Variants in SLC30A6 observed in about 807,000 individuals in gnomAD.
SLC30A6 encodes zinc transporter 6.
SLC30A6 carries 55 observed loss-of-function variants against 63.0 expected under a neutral mutation model. The ratio of observed to expected loss-of-function variants is 0.87; its 90% CI spans 0.70 to 1.09. The LOEUF (loss-of-function observed/expected upper bound fraction) is 1.09. Ranked by LOEUF, SLC30A6 falls within the 50% of genes least tolerant of loss-of-function variation. The probability of loss-of-function intolerance (pLI) is 0.00; values close to 1 mark genes in which losing one functional copy is unlikely to be tolerated. For synonymous variants in SLC30A6, 224 were observed against 186.1 expected, an observed-to-expected ratio of 1.20 and a Z score of -1.66; for missense variants, 587 against 549.2, an observed-to-expected ratio of 1.07 and a Z score of -0.69.
chr2:32,171,244 G>A (rs375008557), intron 1 of SLC30A6, 43 bp from the exon 2 acceptor site: 2 of 1,527,776 alleles, frequency 1.3e-6, no homozygotes, highest in East Asian at 2.3e-5. Flanking sequence ...CTCTGAAGAT[G>A]ATTAAATATC....
intron 12 of SLC30A6, among the ~76,000 whole-genome samples, chr2:32,207,175 A>G (rs915697067): frequency 1.3e-5 from 2 of 152,090 alleles, no homozygotes; most frequent in Non-Finnish European, 2.9e-5. Context: ...TGACCACCCT[A>G]TTATAAATGC....
At chr2:32,214,934 G>C (rs1204511031) in intron 13 of SLC30A6, among the ~76,000 whole-genome samples, 1 of 152,174 alleles carries the variant, frequency 6.6e-6, no homozygotes, top group African/African-American at 2.4e-5. Flanking sequence ...ATTTCAAGAC[G>C]TGGCTTGTCT....
chr2:32,202,490 C>A, intron 10 of SLC30A6: 1 of 273,758 alleles, frequency 3.7e-6, no homozygotes, highest in South Asian at 4.1e-5. Flanking sequence ...CCACCACCCC[C>A]GACTATTTTT....
At chr2:32,184,503 G>A (rs188808115) in intron 5 of SLC30A6, among the ~76,000 whole-genome samples, 165 bp downstream of exon 5, 90 of 152,296 alleles carry the variant, frequency 5.9e-4, no homozygotes, top group African/African-American at 2.0e-3. Flanking sequence ...AGTGGCTCAC[G>A]CCTGTAATCC....
chr2:32,187,422 C>T, intron 5 of SLC30A6: 1 of 359,042 alleles, frequency 2.8e-6, no homozygotes, highest in South Asian at 2.2e-5. Context: ...CTTTATAGAT[C>T]AGTTACTGTG....
intron 10 of SLC30A6, among the ~76,000 whole-genome samples, chr2:32,199,348 G>T (rs1684065916): frequency 6.6e-6 from 1 of 152,132 alleles, no homozygotes; most frequent in Non-Finnish European, 1.5e-5. Flanking sequence ...GTTCGTGTGG[G>T]TATATACCCA....
chr2:32,165,978 G>A (rs1344133911), intron 1 of SLC30A6, 75 bp downstream of exon 1: 4 of 1,604,740 alleles, frequency 2.5e-6, no homozygotes, highest in Non-Finnish European at 1.7e-6. Flanking sequence ...AAGCGACCTT[G>A]AAATCCCTCA....
intron 4 of SLC30A6, 132 bp downstream of exon 4, chr2:32,175,493 T>C: frequency 1.3e-6 from 1 of 758,576 alleles, no homozygotes; most frequent in Non-Finnish European, 2.1e-6. Context: ...AACATTATGC[T>C]TTGAAGACAG....
chr2:32,190,640 G>C (rs1478202354), intron 5 of SLC30A6, among the ~76,000 whole-genome samples: 1 of 151,842 alleles, frequency 6.6e-6, no homozygotes, highest in Non-Finnish European at 1.5e-5. Flanking sequence ...AGATTTTTTT[G>C]GTATGGTGTG....
chr2:32,177,509 C>A, intron 4 of SLC30A6: 1 of 239,076 alleles, frequency 4.2e-6, no homozygotes, highest in Non-Finnish European at 8.8e-6. Context: ...CTGGGCTGGT[C>A]TCAAACTCCT....
At chr2:32,218,629 T>C (rs1441297412) in intron 13 of SLC30A6, among the ~76,000 whole-genome samples, 4 of 152,174 alleles carry the variant, frequency 2.6e-5, no homozygotes, top group Admixed American at 2.0e-4. Context: ...TGATCTCTGC[T>C]CTCTGCAACG....
At chr2:32,175,456 A>G (rs559359269) in intron 4 of SLC30A6, 95 bp downstream of exon 4, 16 of 1,004,076 alleles carry the variant, frequency 1.6e-5, no homozygotes, top group Non-Finnish European at 2.3e-5. Flanking sequence ...AACAGCAACT[A>G]CTGATATCTT....
intron 10 of SLC30A6, chr2:32,203,684 A>T: frequency 1.9e-6 from 3 of 1,550,608 alleles, no homozygotes; most frequent in Non-Finnish European, 2.7e-6. Context: ...CTGAAAGGAA[A>T]TGTGCGTGTT....
In SLC30A6 at chr2:32,215,657, T is replaced by TA. The variant is rs1685641717; in HGVS notation, c.886-4555dup. On this transcript the variant is annotated intron_variant, in intron 13 of 13. Transcript: ENST00000282587. ...TAGAGATAAATATTGTCATCCTTGATACTTGTCTCTGTTCTTCTGTTTTTT... is the reference window on the plus strand; with the variant it reads ...TAGAGATAAATATTGTCATCCTTGATAACTTGTCTCTGTTCTTCTGTTTTTT... Among the ~76,000 whole-genome samples, 2 of 151,624 alleles carry TA rather than the reference T, an allele frequency of 1.3e-5. 1 individual carries two copies. Among genetic ancestry groups the TA allele is most frequent in the South Asian group, 4.2e-4 (2 of 4,816 alleles).
At chr2:32,211,880 A>G (rs532580445) in intron 13 of SLC30A6, among the ~76,000 whole-genome samples, 1 of 152,276 alleles carries the variant, frequency 6.6e-6, no homozygotes, top group South Asian at 2.1e-4. Context: ...TTGGCCTCCC[A>G]AAGTGTTGGG....
chr2:32,212,285 TTTGA>T (rs2148900135), intron 13 of SLC30A6, among the ~76,000 whole-genome samples: 1 of 152,214 alleles, frequency 6.6e-6, no homozygotes, highest in East Asian at 1.9e-4. Context: ...TTTTATATCT[TTTGA>T]TTGGTTTTTA....
intron 1 of SLC30A6, among the ~76,000 whole-genome samples, chr2:32,169,620 TA>T (rs1192316131): frequency 6.6e-6 from 1 of 151,628 alleles, no homozygotes; most frequent in East Asian, 1.9e-4. Flanking sequence ...CTACTAAAGG[TA>T]AAAAAAAATT....
intron 4 of SLC30A6, among the ~76,000 whole-genome samples, chr2:32,182,782 A>C (rs1352274790): frequency 6.6e-6 from 1 of 152,200 alleles, no homozygotes; most frequent in African/African-American, 2.4e-5. Flanking sequence ...TTGCAGTTCC[A>C]AATCCTACTT....
chr2:32,218,019 A>G (rs1319541098), intron 13 of SLC30A6, among the ~76,000 whole-genome samples: 3 of 151,436 alleles, frequency 2.0e-5, no homozygotes, highest in Admixed American at 2.0e-4. Context: ...AATTTTTTTT[A>G]TTTTTTGTAG....
Sources: gnomAD v4.1 joint callset for allele counts (sites outside exome capture counted in the v4.1 genomes callset) on GRCh38, gnomAD v4.1.1 for gene constraint, MANE v1.5 for transcripts, NCBI Gene and HGNC (gene_info 2026-07-23, HGNC 2026-07-21) for gene names.